NRG4: variants seen among roughly 807,000 people sequenced by gnomAD.
NRG4 encodes pro-neuregulin-4, membrane-bound isoform.
NRG4 carries 10 observed loss-of-function variants against 15.0 expected under a neutral mutation model. That is an observed-to-expected ratio of 0.67 (90% confidence interval 0.41 to 1.13). The LOEUF is 1.13. NRG4 is among the 50% of genes most tolerant of loss of function. The pLI, the probability that NRG4 is intolerant of heterozygous loss-of-function variation, is 0.00. For synonymous variants in NRG4, 41 were observed against 50.1 expected, an observed-to-expected ratio of 0.82 and a Z score of 0.77; for missense variants, 139 against 140.2, an observed-to-expected ratio of 0.99 and a Z score of 0.04.
At chr15:75,965,273 T>C (rs1189797421) in intron 3 of NRG4, among the ~76,000 whole-genome samples, 3 of 152,108 alleles carry the variant, frequency 2.0e-5, no homozygotes, top group African/African-American at 7.2e-5. Context: ...TGACCATAAA[T>C]GTTTTAACTG....
intron 5 of NRG4, among the ~76,000 whole-genome samples, chr15:75,948,581 G>A (rs2081603357): frequency 8.2e-5 from 2 of 24,428 alleles, no homozygotes; most frequent in African/African-American, 1.5e-4. Flanking sequence ...TTACAGGCAT[G>A]AGTCACTGCG....
At chr15:75,956,980 C>T (rs922960936) in intron 4 of NRG4, among the ~76,000 whole-genome samples, 16 of 151,718 alleles carry the variant, frequency 1.1e-4, no homozygotes, top group African/African-American at 1.4e-4. Flanking sequence ...TCTGCTAATC[C>T]GGCAATTATA....
chr15:75,977,037 G>T lies in NRG4; in HGVS notation c.105-15063C>A, dbSNP rs2033399280. On this transcript the variant is annotated intron_variant, in intron 3 of 5. Transcript: ENST00000394907. The surrounding 1 kb of genome is among the most constrained non-coding windows in gnomAD (Gnocchi z 4.9). ...TCAGAGATGCCCTGCCCAGAGAGGA[G>T]GAATCTAGAGAGGCAGTCTGGGTAC... Among the ~76,000 whole-genome samples, 1 of 152,202 alleles carries T rather than the reference G, an allele frequency of 6.6e-6. No individual in the cohort carries two copies. Among genetic ancestry groups the T allele is most frequent in the African/African-American group, 2.4e-5 (1 of 41,452 alleles).
At chr15:75,968,568 T>C (rs1256894488) in intron 3 of NRG4, among the ~76,000 whole-genome samples, 3 of 137,722 alleles carry the variant, frequency 2.2e-5, no homozygotes, top group Admixed American at 7.8e-5. Context: ...GCCTTGGCGA[T>C]AGAGCGAAAC....
At chr15:76,022,158 G>A (rs1368503531) in intron 5 of NRG4, among the ~76,000 whole-genome samples, 4 of 152,092 alleles carry the variant, frequency 2.6e-5, no homozygotes, top group Admixed American at 1.3e-4. Context: ...TCTGTGGCCC[G>A]GGTGTGGGGA....
At chr15:76,027,511 T>C (rs897509974) in intron 5 of NRG4, among the ~76,000 whole-genome samples, 9 of 151,768 alleles carry the variant, frequency 5.9e-5, no homozygotes, top group African/African-American at 2.2e-4. Context: ...TATATATATA[T>C]ATATATGCAC....
chr15:75,968,429 A>T (rs1291827189), intron 3 of NRG4, among the ~76,000 whole-genome samples: 1 of 152,086 alleles, frequency 6.6e-6, no homozygotes, highest in East Asian at 1.9e-4. Context: ...CTCTACTAAA[A>T]ATACAAAAAT....
intron 5 of NRG4, among the ~76,000 whole-genome samples, chr15:76,018,810 G>A (rs577121292): frequency 1.3e-5 from 2 of 152,278 alleles, no homozygotes; most frequent in Non-Finnish European, 2.9e-5. Flanking sequence ...CAGGGGTTAG[G>A]GACTCACTTG....
chr15:75,974,205 G>A (rs1024096554), intron 3 of NRG4, among the ~76,000 whole-genome samples: 3 of 152,156 alleles, frequency 2.0e-5, no homozygotes, highest in East Asian at 1.9e-4. Context: ...TGTGGGATCA[G>A]TGGTGATATC....
At chr15:75,983,154 G>A (rs907364310) in intron 3 of NRG4, among the ~76,000 whole-genome samples, 4 of 152,198 alleles carry the variant, frequency 2.6e-5, no homozygotes, top group African/African-American at 9.6e-5. Flanking sequence ...AACCCAAGAC[G>A]AACCAGATAT....
intron 4 of NRG4, among the ~76,000 whole-genome samples, chr15:75,958,648 G>C (rs1364849395): frequency 6.6e-6 from 1 of 152,164 alleles, no homozygotes; most frequent in African/African-American, 2.4e-5. Context: ...CCCACATAAT[G>C]TTTGTGATTG....
intron 5 of NRG4, among the ~76,000 whole-genome samples, chr15:76,034,344 G>C (rs1596047358): frequency 6.6e-6 from 1 of 152,214 alleles, no homozygotes; most frequent in African/African-American, 2.4e-5. Context: ...CTTAAGGACA[G>C]AAACAGCAGA....
intron 3 of NRG4, among the ~76,000 whole-genome samples, chr15:75,992,191 T>A (rs1447809401): frequency 1.3e-5 from 2 of 152,168 alleles, no homozygotes; most frequent in Non-Finnish European, 2.9e-5. Flanking sequence ...GCATCTACAG[T>A]CCATATTATC....
intron 4 of NRG4, among the ~76,000 whole-genome samples, chr15:76,042,489 C>G (rs1023452672): frequency 5.9e-5 from 9 of 151,976 alleles, no homozygotes; most frequent in Admixed American, 3.3e-4. Flanking sequence ...ACAACCAATA[C>G]TACAGAAATT....
intron 3 of NRG4, among the ~76,000 whole-genome samples, chr15:75,988,334 C>T (rs537243461): frequency 1.3e-5 from 2 of 152,180 alleles, no homozygotes; most frequent in Admixed American, 6.5e-5. Flanking sequence ...TACAGGCATG[C>T]GCCACCATGC....
At chr15:76,011,373 T>C (rs2034804843) in intron 1 of NRG4, 87 bp from the exon 2 acceptor site, 1 of 675,124 alleles carries the variant, frequency 1.5e-6, no homozygotes, top group African/African-American at 1.9e-5. Flanking sequence ...ATAGCAATAT[T>C]CTTAAATGTT....
At chr15:75,956,463 A>G (rs2032248487) in intron 4 of NRG4, among the ~76,000 whole-genome samples, 1 of 152,130 alleles carries the variant, frequency 6.6e-6, no homozygotes, top group Admixed American at 6.6e-5. Flanking sequence ...TTGAGGTAAC[A>G]GTACATCAGG....
chr15:76,016,439 T>G (rs2034981637), upstream of NRG4, among the ~76,000 whole-genome samples: 1 of 152,206 alleles, frequency 6.6e-6, no homozygotes, highest in South Asian at 2.1e-4. Context: ...AGGGTGTCAA[T>G]TTTAGATCTT....
At chr15:76,039,298 C>T (rs2035673117) in intron 4 of NRG4, among the ~76,000 whole-genome samples, 1 of 152,078 alleles carries the variant, frequency 6.6e-6, no homozygotes, top group Non-Finnish European at 1.5e-5. Context: ...CCTGAAGAAA[C>T]AGAAATACAT....
Sources: gnomAD v4.1 joint callset for allele counts (sites outside exome capture counted in the v4.1 genomes callset) on GRCh38, gnomAD v4.1.1 for gene constraint, Gnocchi (gnomAD v3.1) non-coding constraint, MANE v1.5 for transcripts, NCBI Gene and HGNC (gene_info 2026-07-23, HGNC 2026-07-21) for gene names.